The following ANO4 variants were observed in gnomAD, a reference collection of about 807,000 sequenced individuals.
ANO4 encodes the protein anoctamin-4.
A neutral mutation model predicts 141.9 loss-of-function variants in ANO4; 69 were observed. The observed-to-expected ratio is 0.49, with a 90% CI of 0.40 to 0.59. ANO4 has a LOEUF of 0.59. Among genes scored for constraint, ANO4 ranks in the 20% least tolerant of loss-of-function variants. The pLI is 0.00. For missense variants in ANO4, 894 were observed against 1,162.2 expected, an observed-to-expected ratio of 0.77 and a Z score of 3.36; for synonymous variants, 350 against 394.3, an observed-to-expected ratio of 0.89 and a Z score of 1.33.
chr12:100,844,640 G>T (rs542316242), intron 1 of ANO4, among the ~76,000 whole-genome samples: 1 of 152,188 alleles, frequency 6.6e-6, no homozygotes, highest in South Asian at 2.1e-4. Flanking sequence ...TCTGGTGGAG[G>T]GTGGAACCCT....
intron 9 of ANO4, among the ~76,000 whole-genome samples, chr12:101,023,669 C>T (rs1217837241): frequency 6.6e-6 from 1 of 151,838 alleles, no homozygotes; most frequent in Non-Finnish European, 1.5e-5. Flanking sequence ...TCTGTCACAA[C>T]AAAGAAAAAG....
chr12:100,830,012 C>A (rs1431766644), intron 1 of ANO4, among the ~76,000 whole-genome samples: 1 of 151,992 alleles, frequency 6.6e-6, no homozygotes, highest in East Asian at 1.9e-4. Flanking sequence ...TGATCTTGAA[C>A]AAGTCTGTTA....
intron 26 of ANO4, among the ~76,000 whole-genome samples, chr12:101,122,093 A>C (rs535403592): frequency 6.6e-6 from 1 of 152,082 alleles, no homozygotes; most frequent in African/African-American, 2.4e-5. Flanking sequence ...CTGGTGTGAG[A>C]TGGTGTCTCA....
intron 2 of ANO4, among the ~76,000 whole-genome samples, chr12:100,909,394 C>T (rs904902109): frequency 6.6e-6 from 1 of 151,960 alleles, no homozygotes; most frequent in Non-Finnish European, 1.5e-5. Flanking sequence ...GGTAGGACTC[C>T]TTGATTTCTT....
chr12:100,851,889 T>G (rs944851425), intron 1 of ANO4, among the ~76,000 whole-genome samples: 1 of 152,088 alleles, frequency 6.6e-6, no homozygotes, highest in African/African-American at 2.4e-5. Flanking sequence ...TATGCTCAGC[T>G]CAAGGGCTAT....
intron 8 of ANO4, among the ~76,000 whole-genome samples, chr12:100,995,030 T>C (rs1344706214): frequency 6.6e-6 from 1 of 151,842 alleles, no homozygotes; most frequent in Non-Finnish European, 1.5e-5. Context: ...GCCTCAAAAG[T>C]CACTATTAGT....
At chr12:100,877,395 AATAT>A (rs1230460422) in intron 1 of ANO4, among the ~76,000 whole-genome samples, 1 of 151,206 alleles carries the variant, frequency 6.6e-6, no homozygotes, top group African/African-American at 2.4e-5. Context: ...TTATAGCATA[AATAT>A]ATATAATTTT....
intron 17 of ANO4, among the ~76,000 whole-genome samples, chr12:101,089,362 A>T (rs1429047370): frequency 6.6e-6 from 1 of 151,964 alleles, no homozygotes; most frequent in Non-Finnish European, 1.5e-5. Context: ...GAAGTAATAA[A>T]AAAAAAAGGG....
intron 9 of ANO4, among the ~76,000 whole-genome samples, chr12:101,023,242 A>G (rs1386427525): frequency 2.0e-5 from 3 of 152,240 alleles, no homozygotes; most frequent in Non-Finnish European, 4.4e-5. Flanking sequence ...AAAGAAGGAC[A>G]GAGACAGTGA....
At chr12:100,886,275 C>A (rs1181125723) in intron 1 of ANO4, among the ~76,000 whole-genome samples, 1 of 151,770 alleles carries the variant, frequency 6.6e-6, no homozygotes, top group Non-Finnish European at 1.5e-5. Context: ...TGATTCCCCG[C>A]TGTCTTAGCA....
Position 101,054,711 on chromosome 12 carries a change from A to G in ANO4, c.1312+6310A>G, listed in dbSNP as rs2048033767. On this transcript the variant is annotated intron_variant, in intron 14 of 27. Coordinates refer to ENST00000392977, the MANE Select transcript of ANO4 (RefSeq NM_001286615.2). ...GAGACGGGGTTTCACTGTGTTAGCC[A>G]GAATGGTCTGGATCTTCTGACCTTG... Among the ~76,000 whole-genome samples the G allele has an allele frequency of 2.0e-5, 3 of 152,188 alleles. No individual in the cohort carries two copies. The East Asian group carries it at 5.8e-4, about 29-fold the overall frequency.
At chr12:100,952,582 A>C (rs2043013245) in intron 5 of ANO4, among the ~76,000 whole-genome samples, 1 of 152,096 alleles carries the variant, frequency 6.6e-6, no homozygotes, top group Admixed American at 6.6e-5. Context: ...AAGAGATATA[A>C]CGATAAGTCC....
chr12:100,818,853 A>G (rs1255041636), intron 1 of ANO4, among the ~76,000 whole-genome samples: 1 of 151,900 alleles, frequency 6.6e-6, no homozygotes, highest in Non-Finnish European at 1.5e-5. Flanking sequence ...TACTGCTAAG[A>G]TCCTGCAATA....
chr12:100,996,849 C>A (rs1454673056), intron 8 of ANO4, among the ~76,000 whole-genome samples: 2 of 152,176 alleles, frequency 1.3e-5, no homozygotes, highest in African/African-American at 2.4e-5. Flanking sequence ...ATCAGCCAAT[C>A]AAACAGTGGT....
chr12:100,889,315 A>G (rs1344421791), intron 1 of ANO4, among the ~76,000 whole-genome samples: 1 of 152,058 alleles, frequency 6.6e-6, no homozygotes, highest in African/African-American at 2.4e-5. Flanking sequence ...AGTCTTTGCT[A>G]TTGTGAATAG....
chr12:100,935,035 A>C (rs1312659222), intron 3 of ANO4, among the ~76,000 whole-genome samples: 1 of 152,204 alleles, frequency 6.6e-6, no homozygotes, highest in East Asian at 1.9e-4. Flanking sequence ...TGTCATCTGC[A>C]AACAGGGACA....
At chr12:100,785,431 A>G (rs1446741879) in intron 3 of ANO4, among the ~76,000 whole-genome samples, 4 of 152,028 alleles carry the variant, frequency 2.6e-5, no homozygotes, top group Non-Finnish European at 5.9e-5. Flanking sequence ...CTTGGCAACC[A>G]TTGATATTTT....
At chr12:101,126,824 A>G in intron 26 of ANO4, 55 bp from the exon 27 acceptor site, 1 of 1,519,646 alleles carries the variant, frequency 6.6e-7, no homozygotes, top group Non-Finnish European at 9.0e-7. Context: ...CAACTCTCTA[A>G]CCTCATTCAG....
rs139452922 is a variant in ANO4, at chr12:101,126,213, A to C, written c.2677-666A>C. 8.4e-3 allele frequency among the ~76,000 whole-genome samples: 1,277 copies of C among 152,326 alleles called. 22 individuals carry two copies. The highest frequency in any genetic ancestry group is 0.029 in the African/African-American group (1,218 of 41,580). The stretch of plus-strand genomic sequence containing the variant: ...TAGCAGTATCATTTGAACATGATTT[A>C]GTCTCTATTTAATACTTTAGAATTG... On this transcript the variant is annotated intron_variant, in intron 26 of 27. Coordinates refer to ENST00000392977, the MANE Select transcript of ANO4 (RefSeq NM_001286615.2).
Sources: allele counts gnomAD v4.1 joint callset (sites outside exome capture counted in the v4.1 genomes callset), GRCh38; gene constraint gnomAD v4.1.1; transcripts MANE v1.5; gene names NCBI Gene and HGNC (gene_info 2026-07-23, HGNC 2026-07-21).